CPNE8: variants seen among roughly 807,000 people sequenced by gnomAD.
CPNE8 encodes the protein copine 8, also known as copine-8.
A neutral mutation model predicts 81.5 loss-of-function variants in CPNE8; 45 were observed. The ratio of observed to expected loss-of-function variants is 0.55; its 90% CI spans 0.44 to 0.71. The LOEUF is 0.71. Among genes scored for constraint, CPNE8 ranks in the 30% least tolerant of loss-of-function variants. The probability of loss-of-function intolerance (pLI) is 0.00; values close to 1 mark genes in which losing one functional copy is unlikely to be tolerated. For missense variants in CPNE8, 594 were observed against 672.1 expected (o/e 0.88, Z 1.28); for synonymous variants, 252 against 226.3 (o/e 1.11, Z -1.02).
intron 14 of CPNE8, among the ~76,000 whole-genome samples, chr12:38,697,486 CAT>C (rs1382591152): frequency 6.6e-6 from 1 of 152,048 alleles, no homozygotes; most frequent in Non-Finnish European, 1.5e-5. Flanking sequence ...TTTTTGCTGA[CAT>C]ATGTTTTTAA....
At chr12:38,865,118 A>G (rs375868870) in intron 3 of CPNE8, among the ~76,000 whole-genome samples, 2 of 152,186 alleles carry the variant, frequency 1.3e-5, no homozygotes, top group African/African-American at 2.4e-5. Context: ...AAAGTAGGAT[A>G]TCTTTACCCA....
intron 13 of CPNE8, among the ~76,000 whole-genome samples, chr12:38,719,953 A>C (rs1940514703): frequency 6.6e-6 from 1 of 152,220 alleles, no homozygotes; most frequent in Non-Finnish European, 1.5e-5. Context: ...TGTGAAACTT[A>C]AACTATATTT....
At chr12:38,779,649 T>A (rs1942004384) in intron 6 of CPNE8, among the ~76,000 whole-genome samples, 1 of 152,120 alleles carries the variant, frequency 6.6e-6, no homozygotes, top group Non-Finnish European at 1.5e-5. Context: ...ATGCAAATCC[T>A]CTCCAGAAAA....
At chr12:38,777,159 G>A (rs966658353) in intron 6 of CPNE8, among the ~76,000 whole-genome samples, 1 of 152,214 alleles carries the variant, frequency 6.6e-6, no homozygotes, top group African/African-American at 2.4e-5. Flanking sequence ...TTTCCAGTGG[G>A]ACAAGATGTG....
At chr12:38,736,285 CATCT>C (rs1940951823) in intron 10 of CPNE8, among the ~76,000 whole-genome samples, 1 of 146,220 alleles carries the variant, frequency 6.8e-6, no homozygotes, top group African/African-American at 2.5e-5. Flanking sequence ...GTTAATATTT[CATCT>C]ATTATGATTA....
chr12:38,740,960 G>A (rs947378160), intron 10 of CPNE8, among the ~76,000 whole-genome samples: 1 of 152,112 alleles, frequency 6.6e-6, no homozygotes, highest in Non-Finnish European at 1.5e-5. Context: ...GTTTCAGAAG[G>A]AATGGTACCA....
rs143694884 is a variant in CPNE8, at chr12:38,666,779, A to C, written c.1506+3950T>G. 7.0e-4 allele frequency among the ~76,000 whole-genome samples: 106 copies of C among 152,290 alleles called. 1 individual carries two copies. In the East Asian group the frequency reaches 0.01, roughly 15 times the overall value. On this transcript the variant is annotated intron_variant, in intron 19 of 19. Transcript: ENST00000331366. Reference sequence around the variant, plus strand: ...TGTTAGAATCAAAATTATACAGAATACATGTTAAGAATCTTAGAATCAGAC... The same window carrying C: ...TGTTAGAATCAAAATTATACAGAATCCATGTTAAGAATCTTAGAATCAGAC...
At chr12:38,861,647 T>C (rs1161814682) in intron 3 of CPNE8, among the ~76,000 whole-genome samples, 1 of 152,092 alleles carries the variant, frequency 6.6e-6, no homozygotes, top group Non-Finnish European at 1.5e-5. Context: ...TCAGAAATGC[T>C]TTATGACAGA....
In CPNE8 at chr12:38,890,103, A is replaced by C. The variant is rs369844081; in HGVS notation, c.98+15334T>G. On this transcript the variant is annotated intron_variant, in intron 1 of 19. Coordinates refer to ENST00000331366, the MANE Select transcript of CPNE8 (RefSeq NM_153634.3). ...ATATATGTGCTGGAAATTGTTCATCAATCATCATCATCTTCACCTTGTATT... is the reference window on the plus strand; with the variant it reads ...ATATATGTGCTGGAAATTGTTCATCCATCATCATCATCTTCACCTTGTATT... Among the ~76,000 whole-genome samples the C allele has an allele frequency of 4.6e-5, 7 of 152,336 alleles. No individual in the cohort carries two copies. In the South Asian group the frequency reaches 8.3e-4, roughly 18 times the overall value.
chr12:38,805,874 G>GAA (rs1942788997), intron 6 of CPNE8, among the ~76,000 whole-genome samples: 1 of 149,136 alleles, frequency 6.7e-6, no homozygotes, highest in South Asian at 2.2e-4. Flanking sequence ...TAATAAAGAA[G>GAA]AAGAGAGAAG....
At chr12:38,742,673 T>TATAAATAA (rs1555151385) in intron 10 of CPNE8, among the ~76,000 whole-genome samples, 1,798 of 68,822 alleles carry the variant, frequency 0.026, 28 homozygotes, top group African/African-American at 0.058. Context: ...GAACTTAAAA[T>TATAAATAA]ATAAATAAAT....
At chr12:38,849,523 T>G (rs1014626653) in intron 3 of CPNE8, among the ~76,000 whole-genome samples, 3 of 152,210 alleles carry the variant, frequency 2.0e-5, no homozygotes, top group Non-Finnish European at 4.4e-5. Context: ...TAAAGTTCAA[T>G]GAAATATTAT....
intron 10 of CPNE8, among the ~76,000 whole-genome samples, chr12:38,744,417 C>A (rs577230685): frequency 6.6e-6 from 1 of 152,144 alleles, no homozygotes; most frequent in Non-Finnish European, 1.5e-5. Context: ...TCCATTATAT[C>A]GACCTCTATT....
chr12:38,885,279 G>GA, intron 1 of CPNE8, among the ~76,000 whole-genome samples: 1 of 152,010 alleles, frequency 6.6e-6, no homozygotes, highest in Non-Finnish European at 1.5e-5. Context: ...AAATTAATGA[G>GA]AAAAAAGTAT....
At chr12:38,684,211 C>T (rs1939477782) in intron 16 of CPNE8, among the ~76,000 whole-genome samples, 1 of 151,974 alleles carries the variant, frequency 6.6e-6, no homozygotes, top group South Asian at 2.1e-4. Context: ...TTACTTACAT[C>T]GGCTAGTATA....
At chr12:38,832,751 G>A (rs558240751) in intron 5 of CPNE8, among the ~76,000 whole-genome samples, 20 of 151,870 alleles carry the variant, frequency 1.3e-4, no homozygotes, top group Non-Finnish European at 2.4e-4. Context: ...GGATGGTCTC[G>A]AACTCCTGAG....
intron 6 of CPNE8, among the ~76,000 whole-genome samples, chr12:38,778,668 CA>C (rs1366109231): frequency 2.6e-5 from 4 of 152,190 alleles, no homozygotes; most frequent in Admixed American, 1.3e-4. Flanking sequence ...ATGTTAAAGT[CA>C]ATACTGCAAG....
rs199768904 is a variant in CPNE8, at chr12:38,721,454, C to T, written c.914+2318G>A. ...TCTGCTAGGAGCTAAACACTAGGGG[C>T]GCCCTGGCTGCAAAAAGGAGCTACC... On this transcript the variant is annotated intron_variant, in intron 13 of 19. Transcript: ENST00000331366. 2.3e-4 allele frequency among the ~76,000 whole-genome samples: 35 copies of T among 152,030 alleles called. 1 individual carries two copies. The highest frequency in any genetic ancestry group is 7.8e-4 in the East Asian group (4 of 5,140).
At chr12:38,851,401 G>T (rs910464982) in intron 3 of CPNE8, among the ~76,000 whole-genome samples, 1 of 152,126 alleles carries the variant, frequency 6.6e-6, no homozygotes, top group Non-Finnish European at 1.5e-5. Context: ...TGCTTACCAA[G>T]TTTACTTCTT....
Sources: gnomAD v4.1 joint callset for allele counts (sites outside exome capture counted in the v4.1 genomes callset) on GRCh38, gnomAD v4.1.1 for gene constraint, MANE v1.5 for transcripts, NCBI Gene and HGNC (gene_info 2026-07-23, HGNC 2026-07-21) for gene names.